The following TOM1 variants were observed in gnomAD, a reference collection of about 807,000 sequenced individuals.
TOM1 encodes target of myb1 membrane trafficking protein.
A neutral mutation model predicts 61.3 loss-of-function variants in TOM1; 38 were observed. The observed-to-expected ratio is 0.62, with a 90% CI of 0.48 to 0.81. The LOEUF is 0.81. Among genes scored for constraint, TOM1 ranks in the 40% least tolerant of loss-of-function variants. The pLI is 0.00. For missense variants in TOM1, 591 were observed against 659.6 expected, an observed-to-expected ratio of 0.90 and a Z score of 1.14; for synonymous variants, 270 against 268.8, an observed-to-expected ratio of 1.00 and a Z score of -0.04.
rs753274783 is a variant in TOM1 at position 35,323,481 on chromosome 22, C to T, written c.367-15C>T. Reference sequence around the variant, plus strand: ...GAGCTGTGGTTACCGGCTGTGTCCCCTTGTCCCCTCTCAGTCCTGGGCTGA... The same window carrying T: ...GAGCTGTGGTTACCGGCTGTGTCCCTTTGTCCCCTCTCAGTCCTGGGCTGA... On this transcript the variant is annotated splice_polypyrimidine_tract_variant and intron_variant, in intron 4 of 14. Coordinates refer to ENST00000449058, the MANE Select transcript of TOM1 (RefSeq NM_005488.3). The surrounding 1 kb of genome is among the most constrained non-coding windows in gnomAD (Gnocchi z 4.2). The T allele has an allele frequency of 6.2e-7, 1 of 1,613,728 alleles. No homozygotes were observed. The highest frequency in any genetic ancestry group is 1.7e-5 in the Admixed American group (1 of 60,004).
chr22:35,343,451 CCT>C (rs1930160575), intron 12 of TOM1, among the ~76,000 whole-genome samples: 2 of 146,994 alleles, frequency 1.4e-5, no homozygotes, highest in Admixed American at 6.8e-5. Flanking sequence ...ACCACACACA[CCT>C]ACACACACAC....
rs765414001 is a variant in TOM1 at position 35,330,479 on chromosome 22, C to T, written c.898C>T (p.Arg300Trp). Residue 300 changes from arginine (R) to tryptophan (W), a missense_variant and splice_region_variant, in exon 8 of 15, where the codon CGG becomes TGG. Physicochemically the swap from Arg to Trp is moderately radical, Grantham distance 101 (BLOSUM62 -3). Coordinates refer to ENST00000449058, the MANE Select transcript of TOM1 (RefSeq NM_005488.3). ...CAACAATGTGTTCCTGCGCCATGAA[C>T]GGTAGCCCCAGCACCTCCCCTGGCC... is the stretch of plus-strand genomic sequence containing the variant. Reference protein sequence around the residue: ...NLNNVFLRHERFERFRTGQTT... With the variant: ...NLNNVFLRHEWFERFRTGQTT... 1.2e-6 allele frequency: 2 copies of T among 1,609,816 alleles called. No homozygotes were observed. The highest frequency in any genetic ancestry group is 2.2e-5 in the East Asian group (1 of 44,670).
chr22:35,333,197 C>T (rs1928989706), intron 9 of TOM1, 183 bp downstream of exon 9: 2 of 805,852 alleles, frequency 2.5e-6, no homozygotes, highest in African/African-American at 1.7e-5. Flanking sequence ...GTGCCACCAC[C>T]TGATGCCCCA....
At chr22:35,308,942 G>A (rs1926581744) in intron 1 of TOM1, among the ~76,000 whole-genome samples, 1 of 152,096 alleles carries the variant, frequency 6.6e-6, no homozygotes, top group Non-Finnish European at 1.5e-5. Flanking sequence ...AGGAAGGGTG[G>A]CTCAGCAAAT....
At chr22:35,333,078 C>A in intron 9 of TOM1, 64 bp downstream of exon 9, 2 of 1,530,632 alleles carry the variant, frequency 1.3e-6, no homozygotes, top group Non-Finnish European at 1.8e-6. Flanking sequence ...GTGCCATTCT[C>A]ACCTCCCTCC....
intron 6 of TOM1, among the ~76,000 whole-genome samples, chr22:35,327,008 C>G (rs866005816): frequency 5.4e-4 from 82 of 152,308 alleles, no homozygotes; most frequent in African/African-American, 1.9e-3. Context: ...CTGGAGTCTT[C>G]CAGCCACACG....
intron 1 of TOM1, among the ~76,000 whole-genome samples, chr22:35,302,993 C>T (rs557569028): frequency 1.3e-5 from 2 of 152,190 alleles, no homozygotes; most frequent in East Asian, 3.9e-4. Flanking sequence ...TCAAGCCTGC[C>T]GACTCCCATG....
intron 12 of TOM1, among the ~76,000 whole-genome samples, chr22:35,339,030 G>A (rs1387891387): frequency 2.0e-5 from 3 of 152,218 alleles, no homozygotes; most frequent in Non-Finnish European, 4.4e-5. Flanking sequence ...ACCTGAGCCT[G>A]ACTTGAAACT....
At chr22:35,319,964 C>T (rs9619527) in intron 2 of TOM1, among the ~76,000 whole-genome samples, 5,327 of 152,342 alleles carry the variant, frequency 0.035, 318 homozygotes, top group African/African-American at 0.12. Flanking sequence ...GAACCAGTGC[C>T]AGGGTTCCAG....
At chr22:35,340,681 A>G (rs2145717375) in intron 12 of TOM1, among the ~76,000 whole-genome samples, 1 of 152,128 alleles carries the variant, frequency 6.6e-6, no homozygotes, top group South Asian at 2.1e-4. Flanking sequence ...CAGGAGGTGG[A>G]GGTTGTGGTG....
intron 6 of TOM1, among the ~76,000 whole-genome samples, chr22:35,324,412 CA>C (rs58401864): frequency 0.017 from 1,055 of 61,150 alleles, 5 homozygotes; most frequent in African/African-American, 0.043. Context: ...AGACCTGTTT[CA>C]AAAAAAAAAA....
intron 12 of TOM1, among the ~76,000 whole-genome samples, chr22:35,340,862 A>G (rs1014883823): frequency 3.9e-5 from 6 of 152,214 alleles, no homozygotes; most frequent in African/African-American, 1.4e-4. Flanking sequence ...GTCTCCCAGC[A>G]TCTCAGGAGC....
At chr22:35,324,984 G>A (rs1413770733) in intron 6 of TOM1, among the ~76,000 whole-genome samples, 1 of 152,180 alleles carries the variant, frequency 6.6e-6, no homozygotes, top group Non-Finnish European at 1.5e-5. Flanking sequence ...TGGCCCACTG[G>A]GCCATGAGCT....
rs190612606 is a variant in TOM1 at position 35,301,440 on chromosome 22, C to T, written c.52+1460C>T. ...TTCTTGGGCACCAACACCATGAGAA[C>T]CGACATGCCTTCACCCAAACAGCCA... On this transcript the variant is annotated intron_variant, in intron 1 of 14. Transcript: ENST00000449058. Among the ~76,000 whole-genome samples, 188 of 152,264 alleles carry T rather than the reference C, an allele frequency of 1.2e-3. 1 individual carries two copies. The highest frequency in any genetic ancestry group is 4.4e-3 in the African/African-American group (183 of 41,538).
chr22:35,347,302 T>TG lies in TOM1; in HGVS notation c.*98dup. On this transcript the variant is annotated 3_prime_UTR_variant, in exon 15 of 15. Coordinates refer to ENST00000449058, the MANE Select transcript of TOM1 (RefSeq NM_005488.3). ...CCCTCCTCTGGTGTTAAGGCTGCTT[T>TG]GGGGGTGGCTTGTTACCCCCTTTTC... 2 of 1,388,870 alleles carry TG rather than the reference T, an allele frequency of 1.4e-6. No individual in the cohort carries two copies. The highest frequency in any genetic ancestry group is 5.0e-5 in the Admixed American group (2 of 39,636). The allele number at this position is 1,388,870 out of a possible 1,614,324, so 86.0% of individuals were successfully genotyped here. A position where few individuals can be genotyped will look rare whatever the true frequency, so the allele number is the denominator to read the frequency against.
chr22:35,326,074 GCAGGGATATTGATGTCTAC>G (rs1928278759), intron 6 of TOM1, among the ~76,000 whole-genome samples: 1 of 152,184 alleles, frequency 6.6e-6, no homozygotes, highest in Non-Finnish European at 1.5e-5. Flanking sequence ...ATCTATAAAA[GCAGGGATATTGATGTCTAC>G]CATGGTAAAA....
In TOM1 at chr22:35,309,759, G is replaced by A. The variant is rs571090995; in HGVS notation, c.53-8118G>A. On this transcript the variant is annotated intron_variant, in intron 1 of 14. Transcript: ENST00000449058. Reference sequence around the variant, plus strand: ...CAGTAGTGGCTTCTTCTGTATTTCTGCCTAACCTTCTTGACCACATTGGTT... The same window carrying A: ...CAGTAGTGGCTTCTTCTGTATTTCTACCTAACCTTCTTGACCACATTGGTT... 4.6e-5 allele frequency among the ~76,000 whole-genome samples: 7 copies of A among 152,044 alleles called. No homozygotes were observed. In the East Asian group the frequency reaches 1.4e-3, roughly 29 times the overall value.
intron 1 of TOM1, among the ~76,000 whole-genome samples, chr22:35,311,409 G>A (rs1252749711): frequency 2.0e-5 from 3 of 152,218 alleles, no homozygotes; most frequent in African/African-American, 7.2e-5. Flanking sequence ...TTCAGGGTGG[G>A]TTTGACAGCT....
chr22:35,309,086 G>T (rs1288807111), intron 1 of TOM1, among the ~76,000 whole-genome samples: 1 of 152,176 alleles, frequency 6.6e-6, no homozygotes, highest in Non-Finnish European at 1.5e-5. Flanking sequence ...CTTATGGGGT[G>T]CTTGAAATTC....
Sources: allele counts gnomAD v4.1 joint callset (sites outside exome capture counted in the v4.1 genomes callset), GRCh38; gene constraint gnomAD v4.1.1; non-coding constraint Gnocchi (gnomAD v3.1); transcripts MANE v1.5; gene names NCBI Gene and HGNC (gene_info 2026-07-23, HGNC 2026-07-21).